Variants in CLIC5 observed in about 807,000 individuals in gnomAD.
CLIC5 encodes the protein chloride intracellular channel protein 5.
In CLIC5, 20 loss-of-function variants were observed where a neutral mutation model predicts 24.7. The ratio of observed to expected loss-of-function variants is 0.81; its 90% CI spans 0.57 to 1.18. The LOEUF is 1.18. Among genes scored for constraint, CLIC5 ranks in the 50% most tolerant of loss-of-function variants. CLIC5 has a pLI of 0.00. For synonymous variants in CLIC5, 159 were observed against 135.6 expected (o/e 1.17, Z -1.20); for missense variants, 341 against 326.1 (o/e 1.05, Z -0.35).
intron 1 of CLIC5, among the ~76,000 whole-genome samples, chr6:46,074,537 C>A (rs1051647076): frequency 1.3e-5 from 2 of 152,166 alleles, no homozygotes; most frequent in African/African-American, 4.8e-5. Context: ...GTGAATAGTG[C>A]CCCCTAAACT....
At chr6:45,984,848 CCTT>C (rs1410734357) in intron 1 of CLIC5, among the ~76,000 whole-genome samples, 1 of 152,140 alleles carries the variant, frequency 6.6e-6, no homozygotes, top group African/African-American at 2.4e-5. Context: ...CTCAAGAAAT[CCTT>C]CTTTCCCTCC....
At chr6:45,914,623 A>G in intron 4 of CLIC5, 4 of 905,816 alleles carry the variant, frequency 4.4e-6, no homozygotes, top group Non-Finnish European at 4.3e-6. Context: ...AACAATAAAC[A>G]CTAGCTAATC....
the CLIC5 span, among the ~76,000 whole-genome samples, chr6:46,108,011 G>C: frequency 6.6e-5 from 6 of 90,976 alleles, no homozygotes; most frequent in Non-Finnish European, 1.3e-4. Context: ...TCCAGCCAGG[G>C]CAACAAGAGC....
the CLIC5 span, among the ~76,000 whole-genome samples, chr6:46,096,849 A>AT: frequency 6.6e-6 from 1 of 152,240 alleles, no homozygotes; most frequent in Non-Finnish European, 1.5e-5. Flanking sequence ...AATTTCTTTT[A>AT]TATGAAGCTA....
intron 1 of CLIC5, among the ~76,000 whole-genome samples, chr6:46,074,606 A>G (rs1762716812): frequency 6.6e-6 from 1 of 152,216 alleles, no homozygotes; most frequent in African/African-American, 2.4e-5. Context: ...TCTATCAGAG[A>G]TAGGCTCTGA....
upstream of CLIC5, among the ~76,000 whole-genome samples, chr6:46,016,832 G>A (rs1051299011): frequency 1.3e-5 from 2 of 152,190 alleles, no homozygotes; most frequent in Admixed American, 6.5e-5. Flanking sequence ...TGCCTGGAAT[G>A]TTGGTGTCTG....
intron 1 of CLIC5, among the ~76,000 whole-genome samples, chr6:45,972,939 ACTGGGTTCTAAAAATGTCAGTGAATCT>A (rs1765250322): frequency 6.6e-6 from 1 of 152,148 alleles, no homozygotes; most frequent in African/African-American, 2.4e-5. Context: ...ATCTGGCCCT[ACTGGGTTCTAAAAATGTCAGTGAATCT>A]CTGCCAAATT....
rs1554151276 is a variant in CLIC5 at position 45,958,439 on chromosome 6, T to TATATACACACACACACACACACACAC, written c.64-3196_64-3195insGTGTGTGTGTGTGTGTGTGTGTATAT. Among the ~76,000 whole-genome samples, 7 of 12,396 alleles carry TATATACACACACACACACACACACAC rather than the reference T, an allele frequency of 5.6e-4. 1 individual carries two copies. Among genetic ancestry groups the TATATACACACACACACACACACACAC allele is most frequent in the African/African-American group, 7.3e-4 (3 of 4,132 alleles). 8.1% of individuals were successfully genotyped at this position (12,396 alleles called of 152,430 possible). ...AAAGACAATTATATATATATATATA[T>TATATACACACACACACACACACACAC]ATATATATATATATATATATATATA... On this transcript the variant is annotated intron_variant, in intron 1 of 5. Coordinates refer to ENST00000339561, the MANE Select transcript of CLIC5 (RefSeq NM_016929.5).
intron 1 of CLIC5, among the ~76,000 whole-genome samples, chr6:45,994,372 C>G (rs897089593): frequency 2.0e-5 from 3 of 152,162 alleles, no homozygotes; most frequent in Non-Finnish European, 4.4e-5. Flanking sequence ...CCATTGTCCT[C>G]AGCAAACTAA....
chr6:46,002,146 C>T (rs758958787), intron 1 of CLIC5, among the ~76,000 whole-genome samples: 3 of 152,152 alleles, frequency 2.0e-5, no homozygotes, highest in South Asian at 2.1e-4. Flanking sequence ...TGCGAGGACT[C>T]GATGGAATCC....
chr6:46,097,331 T>C, the CLIC5 span: 1 of 152,228 alleles, frequency 6.6e-6, no homozygotes, highest in African/African-American at 2.4e-5. Context: ...GCTGGAAATT[T>C]TTCATAATAC....
intron 3 of CLIC5, among the ~76,000 whole-genome samples, chr6:45,946,168 A>G (rs1259396272): frequency 6.6e-6 from 1 of 152,246 alleles, no homozygotes; most frequent in Non-Finnish European, 1.5e-5. Context: ...AGAGGTGGCC[A>G]GAGGCAGGGC....
chr6:46,002,007 A>AC, intron 1 of CLIC5, among the ~76,000 whole-genome samples: 1 of 150,656 alleles, frequency 6.6e-6, no homozygotes, highest in African/African-American at 2.4e-5. Flanking sequence ...GACCACCCCC[A>AC]CCCCCCACAC....
intron 1 of CLIC5, among the ~76,000 whole-genome samples, chr6:46,050,605 C>A (rs757309158): frequency 7.2e-5 from 11 of 152,158 alleles, no homozygotes; most frequent in Non-Finnish European, 1.5e-4. Context: ...GATGCACTGG[C>A]CTTCCAAACA....
the CLIC5 span, among the ~76,000 whole-genome samples, chr6:46,124,747 C>T: frequency 6.6e-6 from 1 of 152,120 alleles, no homozygotes; most frequent in East Asian, 1.9e-4. Flanking sequence ...ACAAACAACC[C>T]CATCAGAAAG....
intron 1 of CLIC5, among the ~76,000 whole-genome samples, chr6:46,052,611 A>G (rs1234019774): frequency 6.6e-6 from 1 of 152,174 alleles, no homozygotes; most frequent in Non-Finnish European, 1.5e-5. Flanking sequence ...GAGTTGGCCC[A>G]TCCCACAGTG....
intron 5 of CLIC5, chr6:45,913,899 T>G: frequency 7.8e-6 from 7 of 893,740 alleles, no homozygotes; most frequent in Non-Finnish European, 1.0e-5. Context: ...GAAGAGGCCT[T>G]TGGAGTGATA....
intron 6 of CLIC5, among the ~76,000 whole-genome samples, chr6:45,884,635 A>G (rs771192589): frequency 2.6e-5 from 4 of 152,168 alleles, no homozygotes; most frequent in Non-Finnish European, 5.9e-5. Context: ...CTCAGAATTC[A>G]GTCATGGAAG....
At chr6:45,926,339 C>G (rs1324591028) in intron 4 of CLIC5, among the ~76,000 whole-genome samples, 1 of 151,158 alleles carries the variant, frequency 6.6e-6, no homozygotes, top group East Asian at 1.9e-4. Context: ...GCTCCACCTC[C>G]TGGGTTCATG....
Sources: gnomAD v4.1 joint callset for allele counts (sites outside exome capture counted in the v4.1 genomes callset) on GRCh38, gnomAD v4.1.1 for gene constraint, MANE v1.5 for transcripts, NCBI Gene and HGNC (gene_info 2026-07-23, HGNC 2026-07-21) for gene names.